The following GCNT2 variants were observed in gnomAD, a reference collection of about 807,000 sequenced individuals.
GCNT2 encodes the protein N-acetyllactosaminide beta-1,6-N-acetylglucosaminyl-transferase.
In GCNT2, 34 loss-of-function variants were observed where a neutral mutation model predicts 34.2. The observed-to-expected ratio is 1.00, with a 90% confidence interval of 0.76 to 1.32. The LOEUF (loss-of-function observed/expected upper bound fraction) is 1.32, where lower values mean the gene tolerates loss of function less well. Ranked by LOEUF, GCNT2 falls within the 40% of genes most tolerant of loss-of-function variation. The pLI, the probability that GCNT2 is intolerant of heterozygous loss-of-function variation, is 0.00. For missense variants in GCNT2, 584 were observed against 489.4 expected (o/e 1.19, Z -1.82); for synonymous variants, 212 against 188.0 (o/e 1.13, Z -1.04).
intron 3 of GCNT2, among the ~76,000 whole-genome samples, chr6:10,607,813 A>T (rs1198722738): frequency 6.6e-6 from 1 of 152,202 alleles, no homozygotes; most frequent in Non-Finnish European, 1.5e-5. Flanking sequence ...TAAGTATATT[A>T]TGTACTTCAC....
Position 10,522,882 on chromosome 6 carries a change from C to T in GCNT2, c.-469+1465C>T, listed in dbSNP as rs980014799. Among the ~76,000 whole-genome samples the T allele has an allele frequency of 2.6e-5, 4 of 152,170 alleles. No homozygotes were observed. In the South Asian group the frequency reaches 8.3e-4, roughly 32 times the overall value. ...CATAATATCCCATTTATAGAATACACTCAATCCTCAACTCCAGGGTAACTT... is the reference window on the plus strand; with the variant it reads ...CATAATATCCCATTTATAGAATACATTCAATCCTCAACTCCAGGGTAACTT... On this transcript the variant is annotated intron_variant, in intron 1 of 4. Coordinates refer to ENST00000495262, the MANE Select transcript of GCNT2 (RefSeq NM_145649.5).
chr6:10,550,968 A>G (rs1241032973), intron 3 of GCNT2, among the ~76,000 whole-genome samples: 2 of 152,150 alleles, frequency 1.3e-5, no homozygotes. Context: ...GTGGAAACCA[A>G]TGTTTTGGTA....
At chr6:10,523,431 G>GAA (rs34628756) in intron 1 of GCNT2, among the ~76,000 whole-genome samples, 4 of 122,494 alleles carry the variant, frequency 3.3e-5, no homozygotes, top group African/African-American at 1.2e-4. Flanking sequence ...CGTCTCAAAA[G>GAA]AAAAAAAAAA....
At chr6:10,616,550 CA>C (rs1765773528) in intron 3 of GCNT2, among the ~76,000 whole-genome samples, 1 of 152,156 alleles carries the variant, frequency 6.6e-6, no homozygotes, top group Non-Finnish European at 1.5e-5. Flanking sequence ...TAGCTAGACA[CA>C]GAGTGCTGAT....
chr6:10,603,427 CAA>C (rs1168849599), intron 3 of GCNT2, among the ~76,000 whole-genome samples: 1 of 152,202 alleles, frequency 6.6e-6, no homozygotes, highest in Non-Finnish European at 1.5e-5. Context: ...GCCCTAGAAA[CAA>C]GAGGCACTGC....
At chr6:10,546,308 C>A (rs896148985) in intron 3 of GCNT2, among the ~76,000 whole-genome samples, 1 of 152,098 alleles carries the variant, frequency 6.6e-6, no homozygotes, top group African/African-American at 2.4e-5. Context: ...CCACTGAACC[C>A]CTGTGTAGCC....
In GCNT2 at chr6:10,546,654, G is replaced by A. The variant is rs538208319; in HGVS notation, c.925+16818G>A. On this transcript the variant is annotated intron_variant, in intron 3 of 4. Transcript: ENST00000495262. ...AGCCTGGGTGACAGGGTGAGACTCC[G>A]TTTAAAAGAAAAGAAAAGAAAATAT... Among the ~76,000 whole-genome samples the A allele has an allele frequency of 4.6e-5, 7 of 152,066 alleles. 1 individual carries two copies. In the South Asian group the frequency reaches 8.3e-4, roughly 18 times the overall value.
intron 4 of GCNT2, among the ~76,000 whole-genome samples, chr6:10,624,765 G>A (rs1304049474): frequency 6.6e-6 from 1 of 152,108 alleles, no homozygotes; most frequent in Non-Finnish European, 1.5e-5. Flanking sequence ...AAGAGGACAA[G>A]TCACCCATCC....
chr6:10,584,729 G>T (rs568488576), intron 3 of GCNT2, among the ~76,000 whole-genome samples: 2 of 152,316 alleles, frequency 1.3e-5, no homozygotes, highest in East Asian at 1.9e-4. Context: ...GGCACATCCT[G>T]CACAGCCCTA....
intron 3 of GCNT2, among the ~76,000 whole-genome samples, chr6:10,544,615 C>T (rs1036042821): frequency 1.3e-5 from 2 of 150,572 alleles, no homozygotes; most frequent in East Asian, 1.9e-4. Context: ...AAAATAAATA[C>T]ATAAAATAAA....
At chr6:10,576,699 C>A (rs184979538) in intron 3 of GCNT2, among the ~76,000 whole-genome samples, 2 of 150,952 alleles carry the variant, frequency 1.3e-5, no homozygotes, top group Non-Finnish European at 2.9e-5. Flanking sequence ...GAGAGAGAGA[C>A]ACACACATAG....
intron 3 of GCNT2, among the ~76,000 whole-genome samples, chr6:10,590,458 C>A (rs1406729692): frequency 6.6e-6 from 1 of 151,590 alleles, no homozygotes; most frequent in African/African-American, 2.4e-5. Flanking sequence ...CAGGACCTGG[C>A]CCCCCACACC....
intron 3 of GCNT2, among the ~76,000 whole-genome samples, chr6:10,612,557 T>C (rs1175662930): frequency 3.3e-5 from 5 of 152,206 alleles, no homozygotes; most frequent in Admixed American, 3.3e-4. Flanking sequence ...AAGCGGTCTT[T>C]TCCACAGAAA....
At chr6:10,592,278 C>T (rs993101213) in intron 3 of GCNT2, among the ~76,000 whole-genome samples, 5 of 152,094 alleles carry the variant, frequency 3.3e-5, no homozygotes, top group African/African-American at 1.2e-4. Flanking sequence ...TTTTGGATAG[C>T]CAGATGATAT....
intron 3 of GCNT2, among the ~76,000 whole-genome samples, chr6:10,558,515 C>G (rs1047108361): frequency 2.0e-5 from 3 of 152,254 alleles, no homozygotes; most frequent in Middle Eastern, 3.4e-3. Flanking sequence ...TTTACCAGAC[C>G]GATTGTTTTT....
intron 3 of GCNT2, among the ~76,000 whole-genome samples, chr6:10,534,390 C>T (rs1761664700): frequency 6.6e-6 from 1 of 152,030 alleles, no homozygotes; most frequent in Non-Finnish European, 1.5e-5. Context: ...CCTGCCTTGG[C>T]CTCCCAAAAT....
chr6:10,586,639 C>T (rs1355610957), intron 3 of GCNT2: 3 of 1,614,216 alleles, frequency 1.9e-6, no homozygotes, highest in Non-Finnish European at 2.5e-6. Flanking sequence ...AATATCACCC[C>T]AGGGGTGCTG....
At chr6:10,534,846 GTGAGACTCTGTCTCAAAAAA>G (rs1454461163) in intron 3 of GCNT2, among the ~76,000 whole-genome samples, 2 of 152,152 alleles carry the variant, frequency 1.3e-5, no homozygotes, top group Non-Finnish European at 2.9e-5. Context: ...GGGCAACAGA[GTGAGACTCTGTCTCAAAAAA>G]TGGATAAATA....
intron 3 of GCNT2, among the ~76,000 whole-genome samples, chr6:10,530,697 ACTGTCT>A (rs1183657306): frequency 6.6e-6 from 1 of 151,626 alleles, no homozygotes; most frequent in Admixed American, 6.6e-5. Flanking sequence ...ATAGTGAGAC[ACTGTCT>A]CTATTTTTTT....
Sources: gnomAD v4.1 joint callset for allele counts (sites outside exome capture counted in the v4.1 genomes callset) on GRCh38, gnomAD v4.1.1 for gene constraint, MANE v1.5 for transcripts, NCBI Gene and HGNC (gene_info 2026-07-23, HGNC 2026-07-21) for gene names.